Variants in FAM107B observed in about 807,000 individuals in gnomAD.
FAM107B encodes family with sequence similarity 107 member B.
FAM107B carries 21 observed loss-of-function variants against 31.5 expected under a neutral mutation model. The observed-to-expected ratio is 0.67, with a 90% CI of 0.47 to 0.96. The LOEUF is 0.96. Among genes scored for constraint, FAM107B ranks in the 40% least tolerant of loss-of-function variants. FAM107B has a pLI of 0.00. For missense variants in FAM107B, 452 were observed against 377.1 expected (o/e 1.20, Z -1.64); for synonymous variants, 157 against 141.5 (o/e 1.11, Z -0.78).
intron 2 of FAM107B, among the ~76,000 whole-genome samples, chr10:14,645,115 G>A (rs1321206402): frequency 6.6e-6 from 1 of 152,164 alleles, no homozygotes; most frequent in Non-Finnish European, 1.5e-5. Context: ...AGTGTGGTAG[G>A]GAGAGGAAAC....
chr10:14,661,045 G>A lies in FAM107B; in HGVS notation c.469+6589C>T, dbSNP rs149255161. On this transcript the variant is annotated intron_variant, in intron 2 of 4. Transcript: ENST00000181796. Reference sequence around the variant, plus strand: ...AAAAGTATGTAGCACCTTCCACTTCGCCCTCTTCCTCCTTCTCCAGCCATG... The same window carrying A: ...AAAAGTATGTAGCACCTTCCACTTCACCCTCTTCCTCCTTCTCCAGCCATG... Among the ~76,000 whole-genome samples the A allele has an allele frequency of 1.8e-3, 274 of 152,104 alleles. 1 individual carries two copies. The highest frequency in any genetic ancestry group is 0.013 in the South Asian group (63 of 4,794).
At chr10:14,667,573 C>T (rs1256871261) in intron 2 of FAM107B, 61 bp downstream of exon 2, 1 of 1,564,416 alleles carries the variant, frequency 6.4e-7, no homozygotes, top group South Asian at 1.1e-5. Context: ...CCTTAGGATG[C>T]TCCAAGCACT....
At chr10:14,733,316 A>G (rs745363340) in intron 1 of FAM107B, among the ~76,000 whole-genome samples, 44 of 152,114 alleles carry the variant, frequency 2.9e-4, no homozygotes, top group Non-Finnish European at 6.3e-4. Context: ...TCAATTTTTC[A>G]TCAACGGAGA....
At chr10:14,570,198 G>A (rs1039765229) in intron 2 of FAM107B, among the ~76,000 whole-genome samples, 7 of 151,538 alleles carry the variant, frequency 4.6e-5, no homozygotes, top group South Asian at 2.1e-4. Context: ...GAAATGAAAC[G>A]ACATTGAAAA....
chr10:14,722,932 A>G (rs1855946521), intron 1 of FAM107B, among the ~76,000 whole-genome samples: 2 of 152,120 alleles, frequency 1.3e-5, no homozygotes, highest in South Asian at 4.2e-4. Context: ...TTCTTCTAAG[A>G]TTGTATTGTC....
At chr10:14,566,217 A>C (rs1196096772) in intron 2 of FAM107B, among the ~76,000 whole-genome samples, 1 of 152,096 alleles carries the variant, frequency 6.6e-6, no homozygotes, top group East Asian at 1.9e-4. Flanking sequence ...TGAGGAGTGA[A>C]AGGGGAATGA....
intron 1 of FAM107B, among the ~76,000 whole-genome samples, chr10:14,670,796 G>A (rs1202213401): frequency 2.0e-5 from 3 of 152,190 alleles, no homozygotes; most frequent in Non-Finnish European, 2.9e-5. Flanking sequence ...GCTCTTGGTT[G>A]GAGAGCTTTC....
intron 1 of FAM107B, among the ~76,000 whole-genome samples, chr10:14,739,390 C>T (rs1302866043): frequency 6.6e-6 from 1 of 152,168 alleles, no homozygotes; most frequent in Admixed American, 6.5e-5. Flanking sequence ...ATGAGTAGGG[C>T]AGGCGCTGGG....
chr10:14,657,654 A>T (rs1854099242), intron 2 of FAM107B, among the ~76,000 whole-genome samples: 1 of 152,176 alleles, frequency 6.6e-6, no homozygotes, highest in Non-Finnish European at 1.5e-5. Context: ...AAGATTTATA[A>T]ATGAGTTCTA....
intron 1 of FAM107B, among the ~76,000 whole-genome samples, chr10:14,771,691 C>T (rs2601731): frequency 0.049 from 7,511 of 152,120 alleles, 611 homozygotes; most frequent in African/African-American, 0.17. Context: ...TTAATTTATT[C>T]ATTTTTGTAG....
intron 2 of FAM107B, among the ~76,000 whole-genome samples, chr10:14,590,819 TA>T (rs56825676): frequency 8.8e-4 from 124 of 141,610 alleles, no homozygotes; most frequent in African/African-American, 1.4e-3. Context: ...CTGTCTCTAC[TA>T]AAAAAAAAAA....
chr10:14,524,885 A>G (rs771460928), intron 3 of FAM107B, among the ~76,000 whole-genome samples: 1 of 152,246 alleles, frequency 6.6e-6, no homozygotes, highest in Middle Eastern at 3.2e-3. Context: ...CTGACACTCT[A>G]TTGCAACCTA....
At chr10:14,572,073 C>T in intron 2 of FAM107B, 2 of 985,456 alleles carry the variant, frequency 2.0e-6, no homozygotes, top group Non-Finnish European at 2.4e-6. Flanking sequence ...AACTCTCTTT[C>T]TGGATATCAA....
At chr10:14,760,831 G>A (rs1231437751) in intron 1 of FAM107B, among the ~76,000 whole-genome samples, 1 of 151,942 alleles carries the variant, frequency 6.6e-6, no homozygotes, top group Non-Finnish European at 1.5e-5. Flanking sequence ...GGTCAACATG[G>A]TGAAACCCCG....
At chr10:14,607,377 A>G (rs978256766) in intron 2 of FAM107B, among the ~76,000 whole-genome samples, 1 of 152,222 alleles carries the variant, frequency 6.6e-6, no homozygotes, top group African/African-American at 2.4e-5. Flanking sequence ...ATTTTAATTC[A>G]GGTAAGATCA....
chr10:14,629,773 A>G (rs1421031893), intron 2 of FAM107B, among the ~76,000 whole-genome samples: 1 of 150,574 alleles, frequency 6.6e-6, no homozygotes, highest in East Asian at 1.9e-4. Flanking sequence ...TCGGCCTCCC[A>G]AAGTGCTGGG....
chr10:14,598,640 T>A (rs977539452), intron 2 of FAM107B, among the ~76,000 whole-genome samples: 1 of 152,226 alleles, frequency 6.6e-6, no homozygotes, highest in Non-Finnish European at 1.5e-5. Flanking sequence ...ACACTGCACC[T>A]GCAGTCAACA....
At chr10:14,689,109 AGCTC>A (rs1327976888) in intron 1 of FAM107B, among the ~76,000 whole-genome samples, 1 of 152,138 alleles carries the variant, frequency 6.6e-6, no homozygotes, top group Non-Finnish European at 1.5e-5. Flanking sequence ...GTCCTCAAGA[AGCTC>A]CTGGTGGCCA....
At chr10:14,735,628 G>A (rs2131565147) in intron 1 of FAM107B, among the ~76,000 whole-genome samples, 1 of 152,310 alleles carries the variant, frequency 6.6e-6, no homozygotes, top group Admixed American at 6.5e-5. Flanking sequence ...CAATTGCAAG[G>A]GGATAAAGCA....
Sources: gnomAD v4.1 joint callset for allele counts (sites outside exome capture counted in the v4.1 genomes callset) on GRCh38, gnomAD v4.1.1 for gene constraint, MANE v1.5 for transcripts, NCBI Gene and HGNC (gene_info 2026-07-23, HGNC 2026-07-21) for gene names.